DCC: variants seen among roughly 807,000 people sequenced by gnomAD.
DCC encodes netrin receptor DCC.
A neutral mutation model predicts 172.5 loss-of-function variants in DCC; 58 were observed. That is an observed-to-expected ratio of 0.34 (90% CI 0.27 to 0.42). The LOEUF (loss-of-function observed/expected upper bound fraction) is 0.42. Ranked by LOEUF, DCC falls within the 10% of genes least tolerant of loss-of-function variation. DCC has a pLI of 1.00. For missense variants in DCC, 1,740 were observed against 1,791.0 expected (o/e 0.97, Z 0.51); for synonymous variants, 709 against 644.5 (o/e 1.10, Z -1.52).
At chr18:52,927,550 T>C (rs1327820116) in intron 5 of DCC, among the ~76,000 whole-genome samples, 1 of 152,030 alleles carries the variant, frequency 6.6e-6, no homozygotes, top group Admixed American at 6.6e-5. Context: ...CTTGGATGCT[T>C]CTTTGATTTT....
chr18:53,223,720 G>T (rs1354614619), intron 12 of DCC, among the ~76,000 whole-genome samples: 1 of 152,038 alleles, frequency 6.6e-6, no homozygotes, highest in East Asian at 1.9e-4. Context: ...TCACCCATGT[G>T]CAAAAACTTT....
intron 5 of DCC, among the ~76,000 whole-genome samples, chr18:52,964,066 G>T (rs2040889489): frequency 6.6e-6 from 1 of 152,086 alleles, no homozygotes; most frequent in African/African-American, 2.4e-5. Flanking sequence ...GATATGATAT[G>T]ATAAGTACAG....
intron 12 of DCC, among the ~76,000 whole-genome samples, chr18:53,226,708 CAAAA>C (rs914813979): frequency 6.6e-6 from 1 of 151,368 alleles, no homozygotes; most frequent in South Asian, 2.1e-4. Flanking sequence ...ACAAACAAAA[CAAAA>C]AACAAACAAA....
At chr18:53,087,508 T>C (rs1391939273) in intron 7 of DCC, among the ~76,000 whole-genome samples, 1 of 152,034 alleles carries the variant, frequency 6.6e-6, no homozygotes, top group Admixed American at 6.6e-5. Flanking sequence ...ATTAGCCCTT[T>C]GTCAGATGAG....
chr18:52,425,460 C>T (rs1987392659), intron 1 of DCC, among the ~76,000 whole-genome samples: 1 of 152,114 alleles, frequency 6.6e-6, no homozygotes, highest in Non-Finnish European at 1.5e-5. Flanking sequence ...AAGGTTGGTG[C>T]TACCATGCAA....
chr18:53,075,370 A>C (rs1428262138), intron 7 of DCC, among the ~76,000 whole-genome samples: 3 of 152,212 alleles, frequency 2.0e-5, no homozygotes, highest in African/African-American at 7.2e-5. Flanking sequence ...CTCAGTGCTA[A>C]TCAAGAGGAT....
intron 1 of DCC, among the ~76,000 whole-genome samples, chr18:52,506,578 A>C (rs745695304): frequency 5.9e-5 from 9 of 152,086 alleles, no homozygotes; most frequent in Admixed American, 2.0e-4. Context: ...TATTAAACCA[A>C]AGGTATTTGC....
chr18:53,513,835 G>C (rs562069890), intron 27 of DCC, among the ~76,000 whole-genome samples: 1,510 of 147,242 alleles, frequency 0.01, 28 homozygotes, highest in African/African-American at 0.036. Context: ...GACCTACAAA[G>C]CGACTTAGAC....
intron 1 of DCC, among the ~76,000 whole-genome samples, chr18:52,472,551 G>A (rs943413546): frequency 5.9e-5 from 9 of 152,136 alleles, no homozygotes; most frequent in African/African-American, 2.2e-4. Context: ...TTTCCAGAAT[G>A]CATTTTGTCC....
chr18:53,129,094 C>G (rs2043613917), intron 7 of DCC, among the ~76,000 whole-genome samples: 1 of 151,664 alleles, frequency 6.6e-6, no homozygotes, highest in South Asian at 2.1e-4. Flanking sequence ...ACCCTGTTGG[C>G]CAGGCTGGTC....
intron 15 of DCC, among the ~76,000 whole-genome samples, chr18:53,351,487 T>C (rs1370555046): frequency 1.4e-5 from 1 of 69,608 alleles, no homozygotes; most frequent in Non-Finnish European, 2.9e-5. Context: ...TATATATATA[T>C]ATAGTGTGTA....
intron 1 of DCC, among the ~76,000 whole-genome samples, chr18:52,410,134 C>T (rs946348965): frequency 3.3e-5 from 5 of 152,214 alleles, no homozygotes; most frequent in East Asian, 1.9e-4. Context: ...CCTTCAAAAA[C>T]GGTATTAGGC....
chr18:52,931,365 G>C (rs1477974874), intron 5 of DCC, among the ~76,000 whole-genome samples: 1 of 151,972 alleles, frequency 6.6e-6, no homozygotes, highest in Admixed American at 6.6e-5. Flanking sequence ...TTCTTCATAA[G>C]ATAAAATCCC....
intron 1 of DCC, among the ~76,000 whole-genome samples, chr18:52,708,939 A>T (rs1030022386): frequency 6.6e-6 from 1 of 152,202 alleles, no homozygotes; most frequent in African/African-American, 2.4e-5. Context: ...ACCAAAGATG[A>T]TCCCCTTGTC....
At chr18:53,062,668 C>T (rs932349766) in intron 5 of DCC, among the ~76,000 whole-genome samples, 13 of 151,842 alleles carry the variant, frequency 8.6e-5, no homozygotes, top group Non-Finnish European at 1.5e-4. Flanking sequence ...ACTAGTGTTA[C>T]GATAATTAAG....
intron 7 of DCC, among the ~76,000 whole-genome samples, chr18:53,111,645 T>C (rs1235608062): frequency 6.6e-6 from 1 of 151,570 alleles, no homozygotes; most frequent in East Asian, 2.0e-4. Flanking sequence ...GAAAAAAAAT[T>C]ATCTCATCAT....
At chr18:53,044,377 T>C (rs2042208984) in intron 5 of DCC, among the ~76,000 whole-genome samples, 1 of 151,900 alleles carries the variant, frequency 6.6e-6, no homozygotes, top group South Asian at 2.1e-4. Flanking sequence ...AAATGTAGTT[T>C]GGTAGAAGAG....
At position 53,467,877 on chromosome 18, in the gene DCC, G is replaced by C; in HGVS notation, c.3620-17G>C. 1 of 1,260,854 alleles carries C rather than the reference G, an allele frequency of 7.9e-7. No individual in the cohort carries two copies. The highest frequency in any genetic ancestry group is 1.2e-6 in the Non-Finnish European group (1 of 857,260). 78.1% of individuals were successfully genotyped at this position (1,260,854 alleles called of 1,614,324 possible). A position where few individuals can be genotyped will look rare whatever the true frequency, so the allele number is the denominator to read the frequency against. On this transcript the variant is annotated splice_polypyrimidine_tract_variant and intron_variant, in intron 24 of 28. Transcript: ENST00000442544. ...TCCTTGAAGAGGGCATGTTTCTCAG[G>C]AGTGTGTATTTTTTAGGTCAAGACA...
Position 53,391,729 on chromosome 18 carries a change from A to G in DCC, c.2530A>G (p.Met844Val). Residue 844 changes from methionine (M) to valine (V), a missense_variant, in exon 17 of 29, where the codon ATG becomes GTG. Met to Val is a conservative substitution (Grantham distance 21, BLOSUM62 1). This residue lies in a region of DCC where 1,732 missense variants were observed against 1,767.4 expected (regional missense o/e 0.98). Transcript: ENST00000442544. ...PTSVPDLSTP[M>V]LPPVGVQAVA... ...CTCGGTCCCAGATCTCTCCACCCCC[A>G]TGCTCCCACCAGTAGGTGTACAGGC... The G allele has an allele frequency of 1.2e-6, 2 of 1,613,966 alleles. No homozygotes were observed. Among genetic ancestry groups the G allele is most frequent in the Non-Finnish European group, 1.7e-6 (2 of 1,179,960 alleles).
Sources: gnomAD v4.1 joint callset for allele counts (sites outside exome capture counted in the v4.1 genomes callset) on GRCh38, gnomAD v4.1.1 for gene constraint, gnomAD v4.1.1 regional missense constraint, MANE v1.5 for transcripts, NCBI Gene and HGNC (gene_info 2026-07-23, HGNC 2026-07-21) for gene names.